The following ANKS1B variants were observed in gnomAD, a reference collection of about 807,000 sequenced individuals.
ANKS1B encodes ankyrin repeat and sterile alpha motif domain-containing protein 1B.
ANKS1B carries 36 observed loss-of-function variants against 148.3 expected under a neutral mutation model. The observed-to-expected ratio is 0.24, with a 90% CI of 0.19 to 0.32. The LOEUF (loss-of-function observed/expected upper bound fraction) is 0.32, where lower values mean the gene tolerates loss of function less well. ANKS1B is among the 10% of genes least tolerant of loss of function. The pLI, the probability that ANKS1B is intolerant of heterozygous loss-of-function variation, is 1.00. For missense variants in ANKS1B, 1,157 were observed against 1,542.6 expected (o/e 0.75, Z 4.19); for synonymous variants, 542 against 560.8 (o/e 0.97, Z 0.47).
chr12:99,852,919 G>A (rs1021767947), intron 1 of ANKS1B, among the ~76,000 whole-genome samples: 1 of 152,188 alleles, frequency 6.6e-6, no homozygotes, highest in African/African-American at 2.4e-5. Context: ...AGTTGCGGGG[G>A]AGCTGGGTGA....
At chr12:99,050,348 C>A (rs987919280) in intron 17 of ANKS1B, among the ~76,000 whole-genome samples, 22 of 152,266 alleles carry the variant, frequency 1.4e-4, no homozygotes, top group African/African-American at 5.1e-4. Flanking sequence ...ATTTCCAAGT[C>A]TGAAGGTTCA....
At chr12:98,776,850 T>C (rs2098682488) in intron 24 of ANKS1B, among the ~76,000 whole-genome samples, 2 of 152,188 alleles carry the variant, frequency 1.3e-5, no homozygotes, top group South Asian at 2.1e-4. Context: ...GTGCTTAACA[T>C]GGCCTTAATT....
chr12:98,882,418 G>T (rs183533021), intron 17 of ANKS1B, among the ~76,000 whole-genome samples: 8 of 152,212 alleles, frequency 5.3e-5, no homozygotes, highest in African/African-American at 1.4e-4. Context: ...AGTCAGAAAG[G>T]TATCGCAATG....
intron 17 of ANKS1B, among the ~76,000 whole-genome samples, chr12:98,960,332 G>A (rs755844053): frequency 6.6e-6 from 1 of 152,154 alleles, no homozygotes; most frequent in South Asian, 2.1e-4. Context: ...TAAGGGAAGA[G>A]AACAAGAGCC....
intron 11 of ANKS1B, among the ~76,000 whole-genome samples, chr12:99,436,774 G>A (rs1380776688): frequency 2.6e-5 from 4 of 151,904 alleles, no homozygotes; most frequent in Non-Finnish European, 1.5e-5. Context: ...GTAGGTACCT[G>A]ATCTAAACAT....
intron 14 of ANKS1B, among the ~76,000 whole-genome samples, chr12:99,207,293 G>T (rs1485647747): frequency 2.0e-5 from 3 of 152,122 alleles, no homozygotes; most frequent in Admixed American, 6.5e-5. Context: ...AATGTAAATG[G>T]TATAAAAGTT....
At chr12:98,819,661 G>C (rs773398216) in intron 19 of ANKS1B, among the ~76,000 whole-genome samples, 73 of 152,306 alleles carry the variant, frequency 4.8e-4, no homozygotes, top group Admixed American at 5.9e-4. Context: ...GGATGTATTA[G>C]AATGGGTGCC....
intron 12 of ANKS1B, among the ~76,000 whole-genome samples, chr12:99,284,816 C>T (rs948198764): frequency 6.6e-6 from 1 of 152,082 alleles, no homozygotes; most frequent in Non-Finnish European, 1.5e-5. Flanking sequence ...TGATCCGGCC[C>T]CTCCCTGCCC....
chr12:99,476,266 G>C (rs998439021), intron 10 of ANKS1B, among the ~76,000 whole-genome samples: 1 of 152,036 alleles, frequency 6.6e-6, no homozygotes, highest in Non-Finnish European at 1.5e-5. Flanking sequence ...GGTGGCACAC[G>C]CTTGTAATCC....
chr12:99,318,130 T>C (rs1369692050), intron 12 of ANKS1B, among the ~76,000 whole-genome samples: 1 of 152,204 alleles, frequency 6.6e-6, no homozygotes, highest in Non-Finnish European at 1.5e-5. Flanking sequence ...AATTCTCTTT[T>C]ATTGTTGTGT....
intron 10 of ANKS1B, among the ~76,000 whole-genome samples, chr12:99,504,057 T>G (rs1251062863): frequency 6.6e-6 from 1 of 152,118 alleles, no homozygotes; most frequent in Non-Finnish European, 1.5e-5. Flanking sequence ...AAATAATGAA[T>G]CTGATAATGC....
rs12318650 is a variant in ANKS1B, at chr12:99,605,296, C to T, written c.1272+49771G>A. 6.2e-3 allele frequency among the ~76,000 whole-genome samples: 944 copies of T among 152,138 alleles called. 13 individuals are homozygous for T. Among genetic ancestry groups the T allele is most frequent in the African/African-American group, 0.021 (871 of 41,534 alleles). On this transcript the variant is annotated intron_variant, in intron 9 of 26. Coordinates refer to ENST00000683438, the MANE Select transcript of ANKS1B (RefSeq NM_001352186.2). ...ATCAAATTAGGATAATTAGCATATA[C>T]ATTATCCTCAGATACTTATCATTTG...
chr12:99,462,578 C>T (rs1399426323), intron 10 of ANKS1B, among the ~76,000 whole-genome samples: 3 of 152,190 alleles, frequency 2.0e-5, no homozygotes, highest in African/African-American at 7.2e-5. Flanking sequence ...TCAGTGGCCC[C>T]TTCTGCATCT....
chr12:98,915,267 G>A (rs1279498714), intron 17 of ANKS1B, among the ~76,000 whole-genome samples: 1 of 152,168 alleles, frequency 6.6e-6, no homozygotes, highest in Non-Finnish European at 1.5e-5. Flanking sequence ...GGAGAAGATG[G>A]CCATCTACAA....
chr12:98,895,880 A>AT (rs1209192505), intron 17 of ANKS1B, among the ~76,000 whole-genome samples: 8 of 152,030 alleles, frequency 5.3e-5, no homozygotes, highest in South Asian at 2.1e-4. Context: ...TTAAAATCCC[A>AT]TTTTTTTCCC....
chr12:99,057,039 T>G (rs1435575117), intron 16 of ANKS1B, among the ~76,000 whole-genome samples: 3 of 152,220 alleles, frequency 2.0e-5, no homozygotes, highest in African/African-American at 4.8e-5. Context: ...TTCCTCTTTC[T>G]GTTTACTATC....
At chr12:99,763,780 G>C (rs2062391765) in intron 8 of ANKS1B, among the ~76,000 whole-genome samples, 1 of 151,878 alleles carries the variant, frequency 6.6e-6, no homozygotes, top group Non-Finnish European at 1.5e-5. Flanking sequence ...AATGTAATCA[G>C]ACATATTTCC....
chr12:98,851,795 G>A (rs2099527888), intron 17 of ANKS1B, among the ~76,000 whole-genome samples: 1 of 152,076 alleles, frequency 6.6e-6, no homozygotes, highest in South Asian at 2.1e-4. Context: ...GGAGGCTGAG[G>A]TGGGTGGATC....
intron 15 of ANKS1B, among the ~76,000 whole-genome samples, chr12:99,103,475 C>T (rs560061673): frequency 5.3e-4 from 81 of 152,286 alleles, no homozygotes; most frequent in Middle Eastern, 3.4e-3. Flanking sequence ...CTTTCAAGGT[C>T]CAACTCAATT....
Sources: gnomAD v4.1 joint callset for allele counts (sites outside exome capture counted in the v4.1 genomes callset) on GRCh38, gnomAD v4.1.1 for gene constraint, MANE v1.5 for transcripts, NCBI Gene and HGNC (gene_info 2026-07-23, HGNC 2026-07-21) for gene names.